Variants in ERC2 observed in about 807,000 individuals in gnomAD.
ERC2 encodes ERC protein 2.
Under a neutral mutation model 114.8 loss-of-function variants are expected in ERC2, and 42 were observed. That is an observed-to-expected ratio of 0.37 (90% confidence interval 0.29 to 0.47). The LOEUF (loss-of-function observed/expected upper bound fraction) is 0.47, where lower values mean the gene tolerates loss of function less well. ERC2 is among the 20% of genes least tolerant of loss of function. The probability of loss-of-function intolerance (pLI) is 0.99; values close to 1 mark genes in which losing one functional copy is unlikely to be tolerated. For missense variants in ERC2, 939 were observed against 1,150.7 expected (o/e 0.82, Z 2.66); for synonymous variants, 454 against 425.5 (o/e 1.07, Z -0.82).
At chr3:55,961,723 T>A (rs1397605751) in intron 12 of ERC2, among the ~76,000 whole-genome samples, 2 of 152,138 alleles carry the variant, frequency 1.3e-5, no homozygotes, top group Non-Finnish European at 2.9e-5. Flanking sequence ...TATTTAGGAA[T>A]GTGCATCCAG....
chr3:55,714,999 T>C (rs1170895897), intron 15 of ERC2, among the ~76,000 whole-genome samples: 1 of 152,142 alleles, frequency 6.6e-6, no homozygotes, highest in African/African-American at 2.4e-5. Context: ...TTGAGACTCC[T>C]GTTGCCTTCT....
chr3:56,235,115 G>T (rs2050858821), intron 3 of ERC2, among the ~76,000 whole-genome samples: 1 of 152,116 alleles, frequency 6.6e-6, no homozygotes, highest in South Asian at 2.1e-4. Flanking sequence ...CCTGTCCAGA[G>T]TCCTTTGGTC....
intron 17 of ERC2, among the ~76,000 whole-genome samples, chr3:55,524,840 C>T (rs2053205742): frequency 6.6e-6 from 1 of 152,136 alleles, no homozygotes; most frequent in South Asian, 2.1e-4. Context: ...CTGAGGTGTT[C>T]AATCATGCAC....
intron 14 of ERC2, among the ~76,000 whole-genome samples, chr3:55,799,836 T>C (rs2070894524): frequency 6.6e-6 from 1 of 152,106 alleles, no homozygotes; most frequent in Non-Finnish European, 1.5e-5. Context: ...TTTGGCCATT[T>C]TGGGCTCTTC....
At chr3:56,370,501 A>G (rs2059319160) in intron 2 of ERC2, among the ~76,000 whole-genome samples, 1 of 151,098 alleles carries the variant, frequency 6.6e-6, no homozygotes. Flanking sequence ...CTCATGGCCT[A>G]TGGGATTTGT....
chr3:55,763,421 C>T (rs1233112935), intron 14 of ERC2, among the ~76,000 whole-genome samples: 2 of 152,108 alleles, frequency 1.3e-5, no homozygotes, highest in African/African-American at 4.8e-5. Context: ...GAAGAAAATT[C>T]CTGCTCTAGA....
intron 15 of ERC2, among the ~76,000 whole-genome samples, chr3:55,726,641 A>G (rs1021041081): frequency 1.5e-4 from 23 of 152,236 alleles, no homozygotes; most frequent in Admixed American, 3.3e-4. Flanking sequence ...AGACAGTCCT[A>G]TGATTTTCGG....
chr3:56,032,913 A>AAGAGAGAGAGAGAGAGAGAC (rs1560056254), intron 7 of ERC2, among the ~76,000 whole-genome samples: 2 of 68,700 alleles, frequency 2.9e-5, no homozygotes, highest in Non-Finnish European at 6.6e-5. Context: ...GAAAGAAAGA[A>AAGAGAGAGAGAGAGAGAGAC]AGAAAGAAAG....
At chr3:56,148,166 T>C (rs2081241448) in intron 5 of ERC2, among the ~76,000 whole-genome samples, 1 of 152,262 alleles carries the variant, frequency 6.6e-6, no homozygotes, top group African/African-American at 2.4e-5. Flanking sequence ...GTATTTTTCT[T>C]ATCCCTATTT....
intron 6 of ERC2, among the ~76,000 whole-genome samples, chr3:56,084,136 GA>G (rs570917368): frequency 6.6e-6 from 1 of 151,998 alleles, no homozygotes; most frequent in African/African-American, 2.4e-5. Flanking sequence ...AATCATCAGG[GA>G]AATGCAAATC....
At chr3:55,709,712 A>G (rs2063673025) in intron 15 of ERC2, among the ~76,000 whole-genome samples, 1 of 152,242 alleles carries the variant, frequency 6.6e-6, no homozygotes, top group Admixed American at 6.5e-5. Flanking sequence ...ACCTCCTTCA[A>G]AACAAAACAA....
At chr3:56,467,249 G>T (rs2063586478) in intron 1 of ERC2, 1 of 152,162 alleles carries the variant, frequency 6.6e-6, no homozygotes, top group African/African-American at 2.4e-5. Context: ...TGGTTCTTTG[G>T]GTTCCACCGG....
intron 1 of ERC2, among the ~76,000 whole-genome samples, chr3:56,459,421 T>C (rs13087955): frequency 4.6e-5 from 7 of 152,172 alleles, no homozygotes. Flanking sequence ...TTAGGGTAAA[T>C]GCACTTTGCT....
At chr3:56,360,061 C>CTTTTATT (rs2058890199) in intron 2 of ERC2, among the ~76,000 whole-genome samples, 1 of 99,166 alleles carries the variant, frequency 1.0e-5, no homozygotes, top group African/African-American at 4.0e-5. Context: ...TAACAAAAAT[C>CTTTTATT]TTTTTTTTTT....
At chr3:55,637,091 T>C (rs2059989562) in intron 17 of ERC2, among the ~76,000 whole-genome samples, 1 of 152,176 alleles carries the variant, frequency 6.6e-6, no homozygotes, top group Non-Finnish European at 1.5e-5. Flanking sequence ...TATAACAGCC[T>C]GTTGCACCCA....
chr3:56,311,819 A>ATGTGTGTGTG (rs10536094), intron 2 of ERC2, among the ~76,000 whole-genome samples: 48 of 142,962 alleles, frequency 3.4e-4, no homozygotes, highest in African/African-American at 8.8e-4. Flanking sequence ...ATACATATAA[A>ATGTGTGTGTG]TGTGTGTGTG....
In ERC2 at chr3:55,540,156, CCCTA is replaced by C. The variant is rs141470238; in HGVS notation, c.*40-28884_*40-28881del. Among the ~76,000 whole-genome samples the C allele has an allele frequency of 1.5e-3, 227 of 152,224 alleles. 4 individuals are homozygous for C. In the East Asian group the frequency reaches 0.029, roughly 19 times the overall value. On this transcript the variant is annotated intron_variant, in intron 17 of 17. Coordinates refer to ENST00000288221, the MANE Select transcript of ERC2 (RefSeq NM_015576.3). ...GCCTGTGGATTAAACCTCATTTATG[CCCTA>C]CCTGAGGTTATATCCTACCTGACAA...
chr3:55,950,478 C>G lies in ERC2; in HGVS notation c.2350G>C (p.Glu784Gln). Residue 784 changes from glutamate (E) to glutamine (Q), a missense_variant, in exon 13 of 18, where the codon GAA (glutamate) becomes CAA (glutamine). By Grantham distance (29) the Glu-to-Gln change is conservative. This residue lies in a region of ERC2 where 328 missense variants were observed against 353.9 expected (regional missense o/e 0.93). Coordinates refer to ENST00000288221, the MANE Select transcript of ERC2 (RefSeq NM_015576.3). ...LEKKKNAQLL[E>Q]EVRRREDSMA... is the part of the protein sequence containing the mutation. The stretch of plus-strand genomic sequence containing the variant: ...CTGTCTTCTCGCCTGCGCACTTCTT[C>G]TAGTAACTGAGCATTTTTCTTCTTT... 2 of 1,614,052 alleles carry G rather than the reference C, an allele frequency of 1.2e-6. No homozygotes were observed. Among genetic ancestry groups the G allele is most frequent in the Non-Finnish European group, 1.7e-6 (2 of 1,179,900 alleles).
chr3:55,652,018 T>C (rs944248230), intron 17 of ERC2, among the ~76,000 whole-genome samples: 5 of 152,206 alleles, frequency 3.3e-5, no homozygotes, highest in African/African-American at 9.6e-5. Flanking sequence ...CCAATCCCTA[T>C]CAAGACTGTG....
Sources: allele counts gnomAD v4.1 joint callset (sites outside exome capture counted in the v4.1 genomes callset), GRCh38; gene constraint gnomAD v4.1.1; regional missense constraint gnomAD v4.1.1; transcripts MANE v1.5; gene names NCBI Gene and HGNC (gene_info 2026-07-23, HGNC 2026-07-21).